Variants in ZNF652 observed in about 807,000 individuals in gnomAD.
The protein encoded by ZNF652 is zinc finger protein 652.
ZNF652 carries 16 observed loss-of-function variants against 45.2 expected under a neutral mutation model. The observed-to-expected ratio is 0.35, with a 90% confidence interval of 0.24 to 0.54. The LOEUF (loss-of-function observed/expected upper bound fraction) is 0.54, where lower values mean the gene tolerates loss of function less well. Among genes scored for constraint, ZNF652 ranks in the 20% least tolerant of loss-of-function variants. The pLI is 0.91. For synonymous variants in ZNF652, 250 were observed against 260.6 expected (o/e 0.96, Z 0.39); for missense variants, 614 against 765.6 (o/e 0.80, Z 2.34).
At chr17:49,330,101 G>T (rs1282458411) in intron 1 of ZNF652, among the ~76,000 whole-genome samples, 1 of 152,054 alleles carries the variant, frequency 6.6e-6, no homozygotes, top group Non-Finnish European at 1.5e-5. Context: ...TAAAAAGAAG[G>T]TAAGTTTTGT....
chr17:49,323,706 T>G (rs1434919397), intron 1 of ZNF652, among the ~76,000 whole-genome samples: 1 of 152,216 alleles, frequency 6.6e-6, no homozygotes, highest in Non-Finnish European at 1.5e-5. Flanking sequence ...AAAACAACAT[T>G]CATCCCCTTG....
intron 1 of ZNF652, among the ~76,000 whole-genome samples, chr17:49,338,696 A>G (rs2070111134): frequency 6.6e-6 from 1 of 152,230 alleles, no homozygotes. Context: ...AGGAAAAGTC[A>G]ACACTATAGC....
chr17:49,313,256 AGC>A (rs2069743484), intron 2 of ZNF652, among the ~76,000 whole-genome samples: 1 of 152,088 alleles, frequency 6.6e-6, no homozygotes, highest in South Asian at 2.1e-4. Context: ...CCCGGGTTCA[AGC>A]GATTCTCCTG....
At chr17:49,359,811 G>T (rs2070373859) in intron 1 of ZNF652, among the ~76,000 whole-genome samples, 1 of 152,206 alleles carries the variant, frequency 6.6e-6, no homozygotes, top group South Asian at 2.1e-4. Flanking sequence ...CAAAATGAAT[G>T]ATTTTGATGG....
intron 1 of ZNF652, among the ~76,000 whole-genome samples, chr17:49,327,730 AAT>A (rs68056731): frequency 6.0e-3 from 370 of 61,362 alleles, no homozygotes; most frequent in Non-Finnish European, 7.2e-3. Context: ...TAAATAAATA[AAT>A]ATATATATAT....
intron 5 of ZNF652, among the ~76,000 whole-genome samples, chr17:49,301,451 C>T (rs552659883): frequency 1.1e-4 from 17 of 152,150 alleles, no homozygotes; most frequent in Non-Finnish European, 2.1e-4. Flanking sequence ...GCATGTGCCA[C>T]CACACCCAGC....
At chr17:49,309,489 C>T (rs1315444387) in intron 5 of ZNF652, among the ~76,000 whole-genome samples, 2 of 148,934 alleles carry the variant, frequency 1.3e-5, no homozygotes, top group Admixed American at 6.8e-5. Context: ...GTCTGGGTGA[C>T]GGAGCAAGAC....
intron 5 of ZNF652, among the ~76,000 whole-genome samples, chr17:49,307,435 G>GAAAAAA (rs1175854049): frequency 1.5e-4 from 6 of 40,458 alleles, no homozygotes; most frequent in East Asian, 9.5e-4. Flanking sequence ...TGTCTCAAAA[G>GAAAAAA]AAAAAAAAAA....
rs1397613520 is a variant in ZNF652, at chr17:49,344,588, TCGGCTCACTGCAA to T, written c.-259+17308_-259+17320del. On this transcript the variant is annotated intron_variant, in intron 1 of 5. Coordinates refer to ENST00000430262, the MANE Select transcript of ZNF652 (RefSeq NM_001145365.3). ...CAGGCTGGAGTGCAGTGGTGCAATCTCGGCTCACTGCAACCTCTGCCTCCCGGGTTCAAGCAAT... is the reference window on the plus strand; with the variant it reads ...CAGGCTGGAGTGCAGTGGTGCAATCTCCTCTGCCTCCCGGGTTCAAGCAAT... 9.5e-5 allele frequency among the ~76,000 whole-genome samples: 14 copies of T among 147,468 alleles called. No individual in the cohort carries two copies. The South Asian group carries it at 2.8e-3, about 30-fold the overall frequency.
intron 5 of ZNF652, among the ~76,000 whole-genome samples, chr17:49,305,510 G>A (rs932832172): frequency 5.9e-5 from 9 of 151,772 alleles, no homozygotes; most frequent in Admixed American, 1.3e-4. Context: ...GATACAAAAC[G>A]CAAGTAAAGT....
intron 4 of ZNF652, 108 bp downstream of exon 4, chr17:49,311,819 G>A (rs2069716305): frequency 3.3e-6 from 3 of 902,584 alleles, no homozygotes; most frequent in Non-Finnish European, 5.1e-6. Context: ...AAAGTTCTGT[G>A]GAAGGCAGCC....
At chr17:49,342,762 C>T (rs768749449) in intron 1 of ZNF652, among the ~76,000 whole-genome samples, 1 of 152,076 alleles carries the variant, frequency 6.6e-6, no homozygotes, top group Non-Finnish European at 1.5e-5. Flanking sequence ...GGAGAAAACC[C>T]CCCTCAGTAT....
intron 5 of ZNF652, among the ~76,000 whole-genome samples, chr17:49,302,124 T>C (rs34666276): frequency 0.27 from 41,386 of 151,124 alleles, 6,925 homozygotes; most frequent in Non-Finnish European, 0.38. Flanking sequence ...CATGGTGGTG[T>C]GCACCTGCAG....
intron 5 of ZNF652, among the ~76,000 whole-genome samples, chr17:49,305,322 CTATTT>C (rs1343206619): frequency 1.3e-5 from 2 of 151,920 alleles, no homozygotes; most frequent in African/African-American, 4.8e-5. Flanking sequence ...ACCATAAATT[CTATTT>C]TATTTTATCT....
intron 5 of ZNF652, among the ~76,000 whole-genome samples, chr17:49,304,055 ATTTTT>A (rs58790188): frequency 4.3e-5 from 5 of 117,398 alleles, no homozygotes; most frequent in Admixed American, 9.6e-5. Flanking sequence ...TGCCTGGCTA[ATTTTT>A]TTTTTTTTTT....
intron 1 of ZNF652, among the ~76,000 whole-genome samples, chr17:49,361,643 C>G (rs1350651116): frequency 1.3e-5 from 2 of 152,098 alleles, no homozygotes; most frequent in Non-Finnish European, 2.9e-5. Context: ...CGCTGCAAAA[C>G]TGCAGCCAAG....
In ZNF652 at chr17:49,290,005, C is replaced by T. The variant is rs1047612947; in HGVS notation, c.*8408G>A. On this transcript the variant is annotated 3_prime_UTR_variant, in exon 6 of 6. Transcript: ENST00000430262. Reference sequence around the variant, plus strand: ...AGAAATGAGGAAAAGTGCAAGTGATCTCAGTACTGTTGGGGAAAACAAAAA... The same window carrying T: ...AGAAATGAGGAAAAGTGCAAGTGATTTCAGTACTGTTGGGGAAAACAAAAA... 8 of 152,248 alleles carry T rather than the reference C, an allele frequency of 5.3e-5. No homozygotes were observed. The highest frequency in any genetic ancestry group is 1.2e-4 in the Non-Finnish European group (8 of 68,048). The allele number at this position is 152,248 out of a possible 1,614,324, so 9.4% of individuals were successfully genotyped here. A position where few individuals can be genotyped will look rare whatever the true frequency, so the allele number is the denominator to read the frequency against.
At chr17:49,337,099 C>T (rs1336682094) in intron 1 of ZNF652, among the ~76,000 whole-genome samples, 2 of 151,450 alleles carry the variant, frequency 1.3e-5, no homozygotes, top group Admixed American at 6.6e-5. Context: ...CACTGGGAGC[C>T]AAGGTAGGAG....
intron 1 of ZNF652, among the ~76,000 whole-genome samples, chr17:49,356,710 C>CA (rs2070341349): frequency 6.6e-6 from 1 of 152,008 alleles, no homozygotes; most frequent in South Asian, 2.1e-4. Flanking sequence ...CACTGATGGG[C>CA]AAGCCTGTAG....
Sources: gnomAD v4.1 joint callset for allele counts (sites outside exome capture counted in the v4.1 genomes callset) on GRCh38, gnomAD v4.1.1 for gene constraint, MANE v1.5 for transcripts, NCBI Gene and HGNC (gene_info 2026-07-23, HGNC 2026-07-21) for gene names.